PTPRD: variants seen among roughly 807,000 people sequenced by gnomAD.
PTPRD encodes protein tyrosine phosphatase receptor type D, also known as receptor-type tyrosine-protein phosphatase delta.
A neutral mutation model predicts 214.5 loss-of-function variants in PTPRD; 34 were observed. That is an observed-to-expected ratio of 0.16 (90% CI 0.12 to 0.21). The LOEUF is 0.21. Among genes scored for constraint, PTPRD ranks in the 10% least tolerant of loss-of-function variants. The probability of loss-of-function intolerance (pLI) is 1.00; values close to 1 mark genes in which losing one functional copy is unlikely to be tolerated. For missense variants in PTPRD, 2,545 were observed against 2,398.7 expected, an observed-to-expected ratio of 1.06 and a Z score of -1.27; for synonymous variants, 1,128 against 845.7, an observed-to-expected ratio of 1.33 and a Z score of -5.79.
At chr9:9,458,853 T>A (rs1468494991) in intron 8 of PTPRD, among the ~76,000 whole-genome samples, 1 of 152,024 alleles carries the variant, frequency 6.6e-6, no homozygotes, top group African/African-American at 2.4e-5. Context: ...AGTGGAAGGA[T>A]TGCTTGAGCT....
intron 10 of PTPRD, among the ~76,000 whole-genome samples, chr9:9,163,693 T>G (rs1049308092): frequency 1.3e-5 from 2 of 152,130 alleles, no homozygotes; most frequent in Non-Finnish European, 2.9e-5. Flanking sequence ...ATGATCAAGA[T>G]CAAACCTCTA....
intron 2 of PTPRD, among the ~76,000 whole-genome samples, chr9:10,603,364 C>A (rs1202576268): frequency 6.6e-6 from 1 of 151,822 alleles, no homozygotes; most frequent in Non-Finnish European, 1.5e-5. Context: ...CAGTATCTGT[C>A]CTCCTGCATT....
At chr9:9,837,194 A>C (rs1355540508) in intron 5 of PTPRD, among the ~76,000 whole-genome samples, 4 of 152,136 alleles carry the variant, frequency 2.6e-5, no homozygotes, top group African/African-American at 7.2e-5. Context: ...CCCAGTTTGC[A>C]AGATAATGAG....
intron 5 of PTPRD, among the ~76,000 whole-genome samples, chr9:9,870,860 G>T (rs1286973435): frequency 6.6e-6 from 1 of 152,074 alleles, no homozygotes; most frequent in African/African-American, 2.4e-5. Context: ...GTTGAGCCTG[G>T]ATGAAGGGAT....
intron 4 of PTPRD, among the ~76,000 whole-genome samples, chr9:9,943,956 C>G (rs867611911): frequency 1.6e-4 from 25 of 152,260 alleles, no homozygotes; most frequent in African/African-American, 6.0e-4. Flanking sequence ...CTACATATTT[C>G]ATTAACAGCT....
intron 36 of PTPRD, among the ~76,000 whole-genome samples, chr9:8,394,002 T>C (rs1006201532): frequency 6.6e-6 from 1 of 152,078 alleles, no homozygotes; most frequent in African/African-American, 2.4e-5. Context: ...GAGCTGTGCT[T>C]CTGTTGTTTT....
intron 2 of PTPRD, among the ~76,000 whole-genome samples, chr9:10,372,039 G>C (rs988129956): frequency 6.6e-6 from 1 of 152,032 alleles, no homozygotes; most frequent in East Asian, 1.9e-4. Flanking sequence ...ACAGACAAAG[G>C]AGTTTGGAAT....
intron 7 of PTPRD, among the ~76,000 whole-genome samples, chr9:9,654,011 G>C (rs749375480): frequency 6.6e-6 from 1 of 152,108 alleles, no homozygotes. Flanking sequence ...ATGATGAAAG[G>C]AAGGTTAGGG....
chr9:8,605,385 G>GA (rs950768482), intron 14 of PTPRD, among the ~76,000 whole-genome samples: 34 of 151,814 alleles, frequency 2.2e-4, no homozygotes, highest in Non-Finnish European at 1.2e-4. Flanking sequence ...CCGAACTAGA[G>GA]AAAAAAAACT....
intron 8 of PTPRD, among the ~76,000 whole-genome samples, chr9:9,440,664 C>A (rs16929395): frequency 0.21 from 32,083 of 152,024 alleles, 3,697 homozygotes; most frequent in East Asian, 0.42. Context: ...AATATTATCC[C>A]AAAATTCTGT....
At chr9:9,623,348 C>T (rs2095311987) in intron 7 of PTPRD, among the ~76,000 whole-genome samples, 1 of 152,164 alleles carries the variant, frequency 6.6e-6, no homozygotes, top group Admixed American at 6.5e-5. Context: ...ACTTTACTAA[C>T]ATCTACATAT....
chr9:9,270,198 TA>T (rs1942255855), intron 9 of PTPRD, among the ~76,000 whole-genome samples: 1 of 151,184 alleles, frequency 6.6e-6, no homozygotes, highest in Non-Finnish European at 1.5e-5. Flanking sequence ...ACACATTAAA[TA>T]TGAACAATTA....
intron 10 of PTPRD, among the ~76,000 whole-genome samples, chr9:9,129,033 C>A (rs2099838457): frequency 6.6e-6 from 1 of 152,122 alleles, no homozygotes; most frequent in Non-Finnish European, 1.5e-5. Flanking sequence ...CACAGATGTC[C>A]ACATCAACCA....
intron 11 of PTPRD, among the ~76,000 whole-genome samples, chr9:8,838,399 A>G (rs1422722316): frequency 1.3e-5 from 2 of 152,158 alleles, no homozygotes; most frequent in Non-Finnish European, 2.9e-5. Flanking sequence ...TAAAGGGAAA[A>G]AATTCACAAT....
intron 12 of PTPRD, among the ~76,000 whole-genome samples, chr9:8,670,898 C>G (rs987064741): frequency 3.3e-5 from 5 of 152,136 alleles, no homozygotes; most frequent in African/African-American, 1.2e-4. Flanking sequence ...GAGAGAGCAG[C>G]TGAGTTTTTC....
At chr9:9,984,005 TC>T (rs1377948511) in intron 4 of PTPRD, among the ~76,000 whole-genome samples, 1 of 152,122 alleles carries the variant, frequency 6.6e-6, no homozygotes, top group Non-Finnish European at 1.5e-5. Context: ...AGATCAGATA[TC>T]GAAGTAAAAC....
chr9:9,088,763 C>T (rs2099771352), intron 10 of PTPRD, among the ~76,000 whole-genome samples: 1 of 151,970 alleles, frequency 6.6e-6, no homozygotes, highest in African/African-American at 2.4e-5. Flanking sequence ...TTTGTGGAGG[C>T]TCTGAAAGAA....
chr9:9,613,248 AT>A (rs2094637357), intron 7 of PTPRD, among the ~76,000 whole-genome samples: 1 of 150,660 alleles, frequency 6.6e-6, no homozygotes, highest in Non-Finnish European at 1.5e-5. Context: ...CAATTTAAAT[AT>A]TAAAACTTTT....
At chr9:10,043,782 A>G (rs934562332) in intron 3 of PTPRD, among the ~76,000 whole-genome samples, 1 of 151,852 alleles carries the variant, frequency 6.6e-6, no homozygotes, top group Non-Finnish European at 1.5e-5. Flanking sequence ...TATTTCATGT[A>G]GGATCTACCT....
Sources: allele counts gnomAD v4.1 joint callset (sites outside exome capture counted in the v4.1 genomes callset), GRCh38; gene constraint gnomAD v4.1.1; transcripts MANE v1.5; gene names NCBI Gene and HGNC (gene_info 2026-07-23, HGNC 2026-07-21).